The following SOX6 variants were observed in gnomAD, a reference collection of about 807,000 sequenced individuals.
The protein encoded by SOX6 is SRY-box transcription factor 6.
A neutral mutation model predicts 97.8 loss-of-function variants in SOX6; 11 were observed. That is an observed-to-expected ratio of 0.11 (90% CI 0.07 to 0.19). SOX6 has a LOEUF of 0.19. Among genes scored for constraint, SOX6 ranks in the 10% least tolerant of loss-of-function variants. The pLI is 1.00. For synonymous variants in SOX6, 360 were observed against 371.4 expected, an observed-to-expected ratio of 0.97 and a Z score of 0.35; for missense variants, 810 against 1,039.5, an observed-to-expected ratio of 0.78 and a Z score of 3.04.
intron 4 of SOX6, among the ~76,000 whole-genome samples, chr11:16,517,941 G>A (rs993719905): frequency 3.3e-5 from 5 of 151,932 alleles, no homozygotes; most frequent in African/African-American, 1.2e-4. Flanking sequence ...ACCCCTTACT[G>A]CCTCTCAACT....
intron 3 of SOX6, among the ~76,000 whole-genome samples, chr11:16,261,070 T>C (rs1172034533): frequency 6.6e-6 from 1 of 152,186 alleles, no homozygotes; most frequent in Admixed American, 6.5e-5. Context: ...TCCTCAATAA[T>C]GCCTTCAACA....
chr11:16,009,073 T>A (rs1204104988), intron 13 of SOX6, among the ~76,000 whole-genome samples: 1 of 152,028 alleles, frequency 6.6e-6, no homozygotes, highest in African/African-American at 2.4e-5. Context: ...TAGCTCTAGT[T>A]AATGTTCCCT....
intron 3 of SOX6, among the ~76,000 whole-genome samples, chr11:16,659,327 T>C (rs972012003): frequency 1.3e-5 from 2 of 152,184 alleles, no homozygotes; most frequent in African/African-American, 4.8e-5. Context: ...CCTTTGCACC[T>C]TTTGCCAAAG....
At chr11:16,235,689 C>T (rs1852996083) in intron 3 of SOX6, among the ~76,000 whole-genome samples, 2 of 152,224 alleles carry the variant, frequency 1.3e-5, no homozygotes, top group South Asian at 2.1e-4. Flanking sequence ...TTTTCTCTCT[C>T]GTATCAGCAC....
intron 1 of SOX6, among the ~76,000 whole-genome samples, chr11:16,393,354 A>T (rs1465365524): frequency 6.6e-5 from 10 of 151,990 alleles, no homozygotes; most frequent in Admixed American, 6.6e-4. Context: ...TACCTTAATG[A>T]AGCAACAGCC....
intron 4 of SOX6, among the ~76,000 whole-genome samples, chr11:16,550,356 C>T (rs1847668935): frequency 1.3e-5 from 2 of 152,056 alleles, no homozygotes; most frequent in South Asian, 4.2e-4. Flanking sequence ...AGGAGATATA[C>T]CTAATGTAAA....
chr11:16,099,949 T>C (rs187964396), intron 7 of SOX6, among the ~76,000 whole-genome samples: 59 of 151,856 alleles, frequency 3.9e-4, no homozygotes, highest in African/African-American at 7.7e-4. Flanking sequence ...TAAAAATGAA[T>C]ACATTAGAGC....
At chr11:16,736,987 A>C (rs1166633761) in intron 1 of SOX6, among the ~76,000 whole-genome samples, 1 of 152,184 alleles carries the variant, frequency 6.6e-6, no homozygotes, top group East Asian at 1.9e-4. Flanking sequence ...TTCTGCTTCC[A>C]AAATAAGGGA....
At chr11:16,524,006 A>G (rs1301538435) in intron 4 of SOX6, among the ~76,000 whole-genome samples, 2 of 152,176 alleles carry the variant, frequency 1.3e-5, no homozygotes, top group Non-Finnish European at 2.9e-5. Context: ...TTACCAACCA[A>G]AAGAGGGACC....
chr11:16,521,311 T>A (rs1056382351), intron 4 of SOX6, among the ~76,000 whole-genome samples: 1 of 152,148 alleles, frequency 6.6e-6, no homozygotes, highest in African/African-American at 2.4e-5. Flanking sequence ...GACAGCAGCA[T>A]TCGCGATTCA....
chr11:16,058,315 T>C (rs1415395067), intron 9 of SOX6, among the ~76,000 whole-genome samples: 1 of 151,740 alleles, frequency 6.6e-6, no homozygotes, highest in Non-Finnish European at 1.5e-5. Context: ...ATATTAATTA[T>C]AGATTTGGGT....
chr11:16,171,072 A>T (rs771240959), intron 6 of SOX6, among the ~76,000 whole-genome samples: 1 of 152,056 alleles, frequency 6.6e-6, no homozygotes, highest in African/African-American at 2.4e-5. Flanking sequence ...GTTTAACCTG[A>T]TTGTGTTGCA....
At chr11:16,081,339 C>A (rs1848468579) in intron 9 of SOX6, among the ~76,000 whole-genome samples, 1 of 151,688 alleles carries the variant, frequency 6.6e-6, no homozygotes, top group East Asian at 1.9e-4. Context: ...GAGAAATCAC[C>A]CTTGGCTCTT....
intron 9 of SOX6, among the ~76,000 whole-genome samples, chr11:16,081,120 CT>C (rs1848463991): frequency 6.6e-6 from 1 of 151,994 alleles, no homozygotes; most frequent in South Asian, 2.1e-4. Context: ...TTTTAAAAAT[CT>C]AGCAGAATTC....
chr11:16,479,009 A>G (rs185301771), upstream of SOX6, among the ~76,000 whole-genome samples: 17 of 152,302 alleles, frequency 1.1e-4, no homozygotes, highest in East Asian at 2.1e-3. Context: ...AAGAGTGACC[A>G]TGGGTTAAAG....
At chr11:16,608,027 G>C (rs1257467972) in intron 4 of SOX6, among the ~76,000 whole-genome samples, 2 of 152,056 alleles carry the variant, frequency 1.3e-5, no homozygotes, top group Non-Finnish European at 2.9e-5. Context: ...GCAACTACTA[G>C]GGGAGAACTG....
At chr11:16,471,793 G>A (rs1860146842) in intron 1 of SOX6, among the ~76,000 whole-genome samples, 1 of 152,126 alleles carries the variant, frequency 6.6e-6, no homozygotes, top group African/African-American at 2.4e-5. Context: ...GCAGTCAGGA[G>A]ACAGCCCTAG....
intron 6 of SOX6, among the ~76,000 whole-genome samples, chr11:16,154,277 A>G (rs1850539504): frequency 6.6e-6 from 1 of 152,214 alleles, no homozygotes; most frequent in South Asian, 2.1e-4. Flanking sequence ...ACAATTGGAC[A>G]GTGTAAAGGG....
At chr11:16,686,195 A>T (rs759878931) in intron 3 of SOX6, among the ~76,000 whole-genome samples, 4 of 152,240 alleles carry the variant, frequency 2.6e-5, no homozygotes, top group Non-Finnish European at 2.9e-5. Context: ...CTATTAGCAC[A>T]TGGTTCCCTT....
Sources: gnomAD v4.1 joint callset for allele counts (sites outside exome capture counted in the v4.1 genomes callset) on GRCh38, gnomAD v4.1.1 for gene constraint, MANE v1.5 for transcripts, NCBI Gene and HGNC (gene_info 2026-07-23, HGNC 2026-07-21) for gene names.